TTLL11: variants seen among roughly 807,000 people sequenced by gnomAD.
TTLL11 encodes the protein tubulin tyrosine ligase like 11.
A neutral mutation model predicts 51.7 loss-of-function variants in TTLL11; 42 were observed. The observed-to-expected ratio is 0.81, with a 90% CI of 0.64 to 1.05. TTLL11 has a LOEUF of 1.05. TTLL11 is among the 50% of genes least tolerant of loss of function. The pLI, the probability that TTLL11 is intolerant of heterozygous loss-of-function variation, is 0.00. For synonymous variants in TTLL11, 381 were observed against 383.5 expected (o/e 0.99, Z 0.08); for missense variants, 799 against 940.4 (o/e 0.85, Z 1.97).
Position 121,816,954 on chromosome 9 carries a change from A to G in TTLL11, c.*5633T>C, listed in dbSNP as rs1484242119. Reference sequence around the variant, plus strand: ...TGGGAGATTGGCAAAAATATCCATCAAGGTGAGGTGGATTTCAGGTTAATA... The same window carrying G: ...TGGGAGATTGGCAAAAATATCCATCGAGGTGAGGTGGATTTCAGGTTAATA... On this transcript the variant is annotated 3_prime_UTR_variant, in exon 9 of 9. Transcript: ENST00000321582. 6.6e-6 allele frequency: 1 copy of G among 152,182 alleles called. No homozygotes were observed. Among genetic ancestry groups the G allele is most frequent in the Admixed American group, 6.5e-5 (1 of 15,272 alleles). The allele number at this position is 152,182 out of a possible 1,614,324, so 9.4% of individuals were successfully genotyped here.
intron 6 of TTLL11, among the ~76,000 whole-genome samples, chr9:121,933,292 G>T (rs151041961): frequency 1.3e-5 from 2 of 152,186 alleles, no homozygotes; most frequent in African/African-American, 4.8e-5. Context: ...GGGCTGTGAC[G>T]GTAAGAGCGA....
intron 1 of TTLL11, among the ~76,000 whole-genome samples, chr9:122,056,827 T>C (rs1384292036): frequency 1.3e-5 from 2 of 152,248 alleles, no homozygotes; most frequent in East Asian, 3.9e-4. Flanking sequence ...GCAATAGTGT[T>C]GGGAATGGGA....
chr9:121,844,100 G>C (rs1279865802), intron 8 of TTLL11, among the ~76,000 whole-genome samples: 1 of 152,158 alleles, frequency 6.6e-6, no homozygotes. Context: ...ACTTCTGAAA[G>C]TCACAGCCCA....
chr9:121,937,166 A>ACAATAATCT (rs1250601602), intron 6 of TTLL11, among the ~76,000 whole-genome samples: 15 of 152,240 alleles, frequency 9.9e-5, no homozygotes, highest in Admixed American at 1.3e-4. Flanking sequence ...TCAAGTGGTA[A>ACAATAATCT]CAATAATCTA....
chr9:121,929,439 C>CA lies in TTLL11; in HGVS notation c.1481+44569dup, dbSNP rs34203510. 6.2e-3 allele frequency among the ~76,000 whole-genome samples: 846 copies of CA among 137,396 alleles called. 2 individuals carry two copies. Among genetic ancestry groups the CA allele is most frequent in the African/African-American group, 0.018 (661 of 37,092 alleles). 90.1% of individuals were successfully genotyped at this position (137,396 alleles called of 152,430 possible). ...TGGGCAACAGAGCGAGACCCCGTCT[C>CA]AAAAAAAAAAAAAGTTACATATTTT... On this transcript the variant is annotated intron_variant, in intron 6 of 8. Coordinates refer to ENST00000321582, the MANE Select transcript of TTLL11 (RefSeq NM_001139442.2).
chr9:121,905,239 T>G (rs1025735000), intron 6 of TTLL11, among the ~76,000 whole-genome samples: 3 of 152,222 alleles, frequency 2.0e-5, no homozygotes, highest in African/African-American at 4.8e-5. Context: ...ATCCAGAAAT[T>G]ATCACTTTTA....
chr9:121,827,384 G>A (rs1056285819), intron 8 of TTLL11, among the ~76,000 whole-genome samples: 12 of 152,088 alleles, frequency 7.9e-5, no homozygotes, highest in Admixed American at 3.9e-4. Context: ...GCATTTTGCC[G>A]AAGGGTGGGG....
At chr9:121,889,285 G>A (rs1839131957) in intron 6 of TTLL11, among the ~76,000 whole-genome samples, 1 of 152,136 alleles carries the variant, frequency 6.6e-6, no homozygotes, top group African/African-American at 2.4e-5. Context: ...GGCTGGAGGT[G>A]CACGAGGAGC....
intron 6 of TTLL11, among the ~76,000 whole-genome samples, chr9:121,949,967 G>A (rs1012876454): frequency 3.3e-5 from 5 of 151,916 alleles, no homozygotes; most frequent in Non-Finnish European, 5.9e-5. Flanking sequence ...AGCTTGCTCT[G>A]TCCGCATCCA....
rs546249882 is a variant in TTLL11, at chr9:121,866,079, G to A, written c.1733+4418C>T. Among the ~76,000 whole-genome samples the A allele has an allele frequency of 3.9e-5, 6 of 152,342 alleles. No homozygotes were observed. The South Asian group carries it at 1.0e-3, about 26-fold the overall frequency. On this transcript the variant is annotated intron_variant, in intron 7 of 8. Transcript: ENST00000321582. ...AGCAAGTTCAACTTCTGCCATTTGC[G>A]TGGGAGCGCTGAGAGGAGTGTATAT... is the stretch of plus-strand genomic sequence containing the variant.
At chr9:121,861,654 G>A (rs1458407047) in intron 7 of TTLL11, among the ~76,000 whole-genome samples, 1 of 152,108 alleles carries the variant, frequency 6.6e-6, no homozygotes. Context: ...TAGGCCCTCG[G>A]CACTGCCCTC....
intron 7 of TTLL11, among the ~76,000 whole-genome samples, chr9:121,868,545 C>T (rs1190917040): frequency 6.6e-6 from 1 of 152,058 alleles, no homozygotes; most frequent in African/African-American, 2.4e-5. Flanking sequence ...ACCATGATGG[C>T]TGGATTTTGA....
intron 8 of TTLL11, among the ~76,000 whole-genome samples, chr9:121,854,005 G>A (rs114891879): frequency 1.3e-5 from 2 of 152,168 alleles, no homozygotes; most frequent in East Asian, 1.9e-4. Flanking sequence ...GGCCCTGAGC[G>A]CTTTCCGTGT....
intron 6 of TTLL11, among the ~76,000 whole-genome samples, chr9:121,970,647 A>G (rs1842522547): frequency 6.6e-6 from 1 of 152,266 alleles, no homozygotes; most frequent in African/African-American, 2.4e-5. Context: ...AACCCCAATG[A>G]GATACCATCT....
At chr9:121,900,512 C>CA (rs1480101208) in intron 6 of TTLL11, among the ~76,000 whole-genome samples, 1 of 152,168 alleles carries the variant, frequency 6.6e-6, no homozygotes, top group Non-Finnish European at 1.5e-5. Flanking sequence ...TGTCAAAGAT[C>CA]ATTGATGTCT....
chr9:122,006,917 C>T (rs960416450), intron 3 of TTLL11, among the ~76,000 whole-genome samples: 5 of 123,240 alleles, frequency 4.1e-5, no homozygotes, highest in African/African-American at 1.2e-4. Flanking sequence ...AACTGGGAGG[C>T]GGAGGCTGCA....
rs1836603708 is a variant in TTLL11, at chr9:121,822,353, G to A, written c.*234C>T. 3 of 384,154 alleles carry A rather than the reference G, an allele frequency of 7.8e-6. No individual in the cohort carries two copies. Among genetic ancestry groups the A allele is most frequent in the Admixed American group, 4.4e-5 (1 of 22,644 alleles). The allele number at this position is 384,154 out of a possible 1,614,324, so 23.8% of individuals were successfully genotyped here. On this transcript the variant is annotated 3_prime_UTR_variant, in exon 9 of 9. Transcript: ENST00000321582. This position sits in a 1 kb window ranked among gnomAD's most constrained non-coding sequence, Gnocchi z 5.8. ...GTCACGTTTTAGATGTCATATGTCC[G>A]ATGACTGATGACTCAGAAACAGGGT...
intron 6 of TTLL11, among the ~76,000 whole-genome samples, chr9:121,887,598 T>A (rs1181989083): frequency 6.6e-6 from 1 of 152,164 alleles, no homozygotes; most frequent in East Asian, 1.9e-4. Context: ...AAGAAAGCAC[T>A]AGCTCGGTGT....
chr9:122,078,326 AG>A (rs778256138), intron 1 of TTLL11, among the ~76,000 whole-genome samples: 17 of 152,338 alleles, frequency 1.1e-4, no homozygotes, highest in Non-Finnish European at 2.2e-4. Context: ...GACCCAAGGA[AG>A]GGGACTTAGC....
Sources: gnomAD v4.1 joint callset for allele counts (sites outside exome capture counted in the v4.1 genomes callset) on GRCh38, gnomAD v4.1.1 for gene constraint, Gnocchi (gnomAD v3.1) non-coding constraint, MANE v1.5 for transcripts, NCBI Gene and HGNC (gene_info 2026-07-23, HGNC 2026-07-21) for gene names.